TTLL12: variants seen among roughly 807,000 people sequenced by gnomAD.
The protein encoded by TTLL12 is tubulin--tyrosine ligase-like protein 12.
A neutral mutation model predicts 79.6 loss-of-function variants in TTLL12; 77 were observed. The observed-to-expected ratio is 0.97, with a 90% CI of 0.81 to 1.17. The LOEUF is 1.17. TTLL12 is among the 50% of genes most tolerant of loss of function. The pLI, the probability that TTLL12 is intolerant of heterozygous loss-of-function variation, is 0.00. For synonymous variants in TTLL12, 437 were observed against 376.1 expected, an observed-to-expected ratio of 1.16 and a Z score of -1.87; for missense variants, 969 against 895.9, an observed-to-expected ratio of 1.08 and a Z score of -1.04.
rs761911874 is a variant in TTLL12 at position 43,180,859 on chromosome 22, G to A, written c.429C>T (p.His143=). The change falls in exon 3 of 14, where the codon CAC becomes CAT. Residue 143 remains histidine (H), a synonymous_variant. Transcript: ENST00000216129. The part of the protein sequence containing the change: ...QQLQQVPGLL[H]RMANLMGIEF... ...CAATGCCCATCAGGTTGGCCATGCG[G>A]TGCAGCAGCCCGGGCACCTGCTGCA... is the stretch of plus-strand genomic sequence containing the variant. 1 of 1,613,046 alleles carries A rather than the reference G, an allele frequency of 6.2e-7. No homozygotes were observed. The highest frequency in any genetic ancestry group is 1.7e-5 in the Admixed American group (1 of 60,020).
intron 10 of TTLL12, 101 bp from the exon 11 acceptor site, chr22:43,172,001 C>T (rs964851780): frequency 1.7e-5 from 16 of 966,662 alleles, no homozygotes; most frequent in Non-Finnish European, 2.4e-5. Context: ...GTTCAGGGCT[C>T]AGGGCAGGAC....
chr22:43,167,447 C>A lies in TTLL12; in HGVS notation c.*561G>T, dbSNP rs551092643. The A allele has an allele frequency of 6.9e-6, 2 of 287,834 alleles. No individual in the cohort carries two copies. The highest frequency in any genetic ancestry group is 4.4e-5 in the African/African-American group (2 of 45,020). 17.8% of individuals were successfully genotyped at this position (287,834 alleles called of 1,614,324 possible). On this transcript the variant is annotated 3_prime_UTR_variant, in exon 14 of 14. Transcript: ENST00000216129. ...TAAGGCGGGCTTGCTGGGTGGTGGC[C>A]TCAGGCTGTTCCTGGGCCCCTGTCG...
intron 5 of TTLL12, among the ~76,000 whole-genome samples, chr22:43,177,359 C>A (rs572799616): frequency 2.6e-5 from 4 of 151,874 alleles, no homozygotes; most frequent in Admixed American, 2.6e-4. Flanking sequence ...AAAGCAAGAC[C>A]CTATCTTTTT....
chr22:43,171,415 C>T (rs1342092720), intron 11 of TTLL12, among the ~76,000 whole-genome samples: 1 of 152,220 alleles, frequency 6.6e-6, no homozygotes, highest in East Asian at 1.9e-4. Context: ...CGGGCAGGGT[C>T]ACGGGCCAGC....
chr22:43,183,915 C>G (rs1158781316), intron 1 of TTLL12, among the ~76,000 whole-genome samples: 1 of 152,268 alleles, frequency 6.6e-6, no homozygotes, highest in South Asian at 2.1e-4. Context: ...TGACCTTGAA[C>G]AAGTTACTTA....
At position 43,179,870 on chromosome 22, in the gene TTLL12, A is replaced by G. The variant is rs1932009529; in HGVS notation, c.677T>C (p.Leu226Pro). The G allele has an allele frequency of 6.2e-7, 1 of 1,605,582 alleles. No homozygotes were observed. The highest frequency in any genetic ancestry group is 2.2e-5 in the East Asian group (1 of 44,784). Residue 226 changes from leucine to proline, a missense_variant, in exon 4 of 14, where the codon CTG becomes CCG. Coordinates refer to ENST00000216129, the MANE Select transcript of TTLL12 (RefSeq NM_015140.4). ...AGTGTCCAGGTCCCTCAGGGGCCAC[A>G]GCAGCGTGTAGGCCACCTGCTGCGG... Reference protein sequence around the residue: ...YMPQQVAYTLLWPLRDLDTGE... With the variant: ...YMPQQVAYTLPWPLRDLDTGE...
Position 43,173,697 on chromosome 22 carries a change from C to T in TTLL12, c.1341+18G>A, listed in dbSNP as rs755271364. The T allele has an allele frequency of 6.3e-7, 1 of 1,597,468 alleles. No homozygotes were observed. Among genetic ancestry groups the T allele is most frequent in the Non-Finnish European group, 8.5e-7 (1 of 1,178,838 alleles). On this transcript the variant is annotated intron_variant, in intron 9 of 13. Coordinates refer to ENST00000216129, the MANE Select transcript of TTLL12 (RefSeq NM_015140.4). ...GCCAGGGCCCTGAGCCCTGGGGCTC[C>T]TGGTCTGCGGGGCCCACCTTGGGGG...
Position 43,180,015 on chromosome 22 carries a change from C to T in TTLL12, c.547-15G>A, listed in dbSNP as rs777880272. ...TCCTCAGCTGTCTGCAGACAGAGCA[C>T]ATATGGCACCTCTCGCTCACCCATC... On this transcript the variant is annotated splice_polypyrimidine_tract_variant and intron_variant, in intron 3 of 13. Transcript: ENST00000216129. The T allele has an allele frequency of 6.4e-7, 1 of 1,566,112 alleles. No homozygotes were observed. Among genetic ancestry groups the T allele is most frequent in the Non-Finnish European group, 8.6e-7 (1 of 1,156,516 alleles).
At chr22:43,176,699 C>T (rs906568784) in intron 5 of TTLL12, among the ~76,000 whole-genome samples, 1 of 141,672 alleles carries the variant, frequency 7.1e-6, no homozygotes, top group Non-Finnish European at 1.5e-5. Flanking sequence ...CACTGCACTC[C>T]AGCCTGGGAG....
Position 43,167,434 on chromosome 22 carries a change from G to A in TTLL12, c.*574C>T. On this transcript the variant is annotated 3_prime_UTR_variant, in exon 14 of 14. Coordinates refer to ENST00000216129, the MANE Select transcript of TTLL12 (RefSeq NM_015140.4). Reference sequence around the variant, plus strand: ...CTGGAATGGGTGATAAGGCGGGCTTGCTGGGTGGTGGCCTCAGGCTGTTCC... The same window carrying A: ...CTGGAATGGGTGATAAGGCGGGCTTACTGGGTGGTGGCCTCAGGCTGTTCC... 1 of 297,098 alleles carries A rather than the reference G, an allele frequency of 3.4e-6. No individual in the cohort carries two copies. The highest frequency in any genetic ancestry group is 6.7e-6 in the Non-Finnish European group (1 of 149,466). 18.4% of individuals were successfully genotyped at this position (297,098 alleles called of 1,614,324 possible).
In TTLL12 at chr22:43,172,527, C is replaced by G. The variant is rs753913805; in HGVS notation, c.1369G>C (p.Val457Leu). 1.9e-6 allele frequency: 3 copies of G among 1,614,106 alleles called. No individual in the cohort carries two copies. The highest frequency in any genetic ancestry group is 2.5e-6 in the Non-Finnish European group (3 of 1,180,022). ...CCCACGTCTTCTCGAAGGAACAACACGGGACTTTCGATGTACTTGGACACA... is the reference window on the plus strand; with the variant it reads ...CCCACGTCTTCTCGAAGGAACAACAGGGGACTTTCGATGTACTTGGACACA... ...KVVSKYIESP[V>L]LFLREDVGKV... The change falls in exon 10 of 14, where the codon GTG (valine) becomes CTG (leucine). Residue 457 changes from valine (V) to leucine (L), a missense_variant. By Grantham distance (32) the Val-to-Leu change is conservative. Transcript: ENST00000216129.
chr22:43,170,442 C>A (rs1931735379), intron 11 of TTLL12, among the ~76,000 whole-genome samples: 1 of 152,184 alleles, frequency 6.6e-6, no homozygotes, highest in Non-Finnish European at 1.5e-5. Flanking sequence ...ATGGGCATGG[C>A]CAGGTGCCTC....
In TTLL12 at chr22:43,176,348, C is replaced by T. The variant is rs11704935; in HGVS notation, c.889G>A (p.Val297Met). The change falls in exon 6 of 14, where the codon GTG (valine) becomes ATG (methionine). Residue 297 changes from valine to methionine, a missense_variant. Val to Met is a conservative substitution (Grantham distance 21). Transcript: ENST00000216129. ...AAGATGTGGCCGTGGGGGTGCACCA[C>T]GGGGTTGATGTCAAGTGGCAGCTTC... ...KEKLPLDINPVVHPHGHIFKV... is the reference protein window; with the variant it reads ...KEKLPLDINPMVHPHGHIFKV... 118,639 of 1,603,274 alleles carry T rather than the reference C, an allele frequency of 0.074. 5,106 individuals carry two copies. Among genetic ancestry groups the T allele is most frequent in the Middle Eastern group, 0.087 (528 of 6,058 alleles).
At chr22:43,174,947 G>A (rs756658447) in intron 6 of TTLL12, among the ~76,000 whole-genome samples, 7 of 152,262 alleles carry the variant, frequency 4.6e-5, no homozygotes, top group Non-Finnish European at 8.8e-5. Flanking sequence ...TGCAAAACAA[G>A]AGGATGAGGC....
intron 1 of TTLL12, among the ~76,000 whole-genome samples, chr22:43,185,166 T>C (rs1932146987): frequency 6.7e-6 from 1 of 150,168 alleles, no homozygotes; most frequent in Non-Finnish European, 1.5e-5. Context: ...AGGCAGAGCT[T>C]GCAGTGAGCC....
In TTLL12 at chr22:43,173,808, C is replaced by T. The variant is rs200883625; in HGVS notation, c.1248G>A (p.Trp416Ter). The T allele has an allele frequency of 2.0e-5, 32 of 1,604,184 alleles. No homozygotes were observed. Among genetic ancestry groups the T allele is most frequent in the Non-Finnish European group, 2.6e-5 (31 of 1,179,868 alleles). ...GCGCCAGGTTCCAGGGCTTGCAGAT[C>T]CAGTGGTTGTCCTCGCCCCTGGGGA... ...QRERWGEDNH[W>*]ICKPWNLARS... The change falls in exon 9 of 14, where the codon TGG becomes TGA. Residue 416 changes from tryptophan to a stop codon, truncating the protein, a stop_gained. Transcript: ENST00000216129. LOFTEE classifies it high-confidence loss of function.
At chr22:43,171,674 A>AAC in intron 11 of TTLL12, 145 bp downstream of exon 11, 1 of 634,090 alleles carries the variant, frequency 1.6e-6, no homozygotes, top group Non-Finnish European at 2.8e-6. Context: ...CAGCGCTAAC[A>AAC]ATCGCCTTCC....
chr22:43,185,738 G>A (rs1035428996), intron 1 of TTLL12, among the ~76,000 whole-genome samples: 1 of 152,220 alleles, frequency 6.6e-6, no homozygotes, highest in African/African-American at 2.4e-5. Context: ...GTGACCGCCC[G>A]AGGGAGGGCG....
chr22:43,186,650 A>G (rs1303211606), intron 1 of TTLL12, among the ~76,000 whole-genome samples: 3 of 152,074 alleles, frequency 2.0e-5, no homozygotes, highest in Admixed American at 6.5e-5. Context: ...TGGAGGACCT[A>G]AAGTTCCCAA....
Sources: allele counts gnomAD v4.1 joint callset (sites outside exome capture counted in the v4.1 genomes callset), GRCh38; gene constraint gnomAD v4.1.1; transcripts MANE v1.5; gene names NCBI Gene and HGNC (gene_info 2026-07-23, HGNC 2026-07-21).